The following INPP4B variants were observed in gnomAD, a reference collection of about 807,000 sequenced individuals.
INPP4B encodes the protein inositol polyphosphate-4-phosphatase type II B, also known as inositol polyphosphate 4-phosphatase type II.
Under a neutral mutation model 122.5 loss-of-function variants are expected in INPP4B, and 55 were observed. That is an observed-to-expected ratio of 0.45 (90% CI 0.36 to 0.56). INPP4B has a LOEUF of 0.56. Ranked by LOEUF, INPP4B falls within the 20% of genes least tolerant of loss-of-function variation. The pLI is 0.00. For missense variants in INPP4B, 1,000 were observed against 1,097.7 expected, an observed-to-expected ratio of 0.91 and a Z score of 1.26; for synonymous variants, 403 against 388.7, an observed-to-expected ratio of 1.04 and a Z score of -0.43.
chr4:142,430,715 C>G (rs1410203010), intron 4 of INPP4B, among the ~76,000 whole-genome samples: 1 of 152,022 alleles, frequency 6.6e-6, no homozygotes, highest in Non-Finnish European at 1.5e-5. Flanking sequence ...ATGGCAGTGA[C>G]AGTCTAAATT....
intron 16 of INPP4B, among the ~76,000 whole-genome samples, chr4:142,169,186 C>A (rs950790499): frequency 3.3e-5 from 5 of 151,338 alleles, no homozygotes; most frequent in African/African-American, 1.2e-4. Context: ...TTATTGTATA[C>A]TATCTCTTAT....
At chr4:142,622,717 A>T (rs6839894) in intron 2 of INPP4B, among the ~76,000 whole-genome samples, 98,492 of 151,748 alleles carry the variant, frequency 0.65, 33,276 homozygotes, top group East Asian at 0.81. Flanking sequence ...CATGGTCTCT[A>T]TAGAAAATAG....
chr4:142,674,568 ATACAT>A (rs1757455186), intron 2 of INPP4B, among the ~76,000 whole-genome samples: 1 of 152,184 alleles, frequency 6.6e-6, no homozygotes, highest in Non-Finnish European at 1.5e-5. Flanking sequence ...TCAACAGAAT[ATACAT>A]TCTTCTCAGC....
intron 1 of INPP4B, among the ~76,000 whole-genome samples, chr4:142,733,022 C>T (rs1361748105): frequency 1.3e-5 from 2 of 151,974 alleles, no homozygotes; most frequent in African/African-American, 2.4e-5. Context: ...GTTATAACAA[C>T]AAATTACACA....
intron 2 of INPP4B, among the ~76,000 whole-genome samples, chr4:142,553,839 T>G (rs2150087378): frequency 6.6e-6 from 1 of 152,254 alleles, no homozygotes; most frequent in South Asian, 2.1e-4. Context: ...CCCCTTGATT[T>G]TCTTATGTGT....
At chr4:142,481,564 T>A (rs931510011) in intron 2 of INPP4B, among the ~76,000 whole-genome samples, 6 of 152,164 alleles carry the variant, frequency 3.9e-5, no homozygotes, top group Non-Finnish European at 2.9e-5. Flanking sequence ...TTTTATAATA[T>A]TTTTATAAAT....
intron 7 of INPP4B, among the ~76,000 whole-genome samples, chr4:142,315,214 G>A (rs1767051324): frequency 8.3e-6 from 1 of 120,616 alleles, no homozygotes; most frequent in South Asian, 2.9e-4. Flanking sequence ...ATGTCATTAT[G>A]TACCTCCTAA....
intron 2 of INPP4B, among the ~76,000 whole-genome samples, chr4:142,669,704 T>C (rs1228988303): frequency 1.3e-5 from 2 of 152,166 alleles, no homozygotes; most frequent in Non-Finnish European, 2.9e-5. Context: ...ATTATAAAAC[T>C]ACTTGAAGAA....
chr4:142,322,752 A>T (rs1340497652), intron 7 of INPP4B, among the ~76,000 whole-genome samples: 1 of 152,202 alleles, frequency 6.6e-6, no homozygotes, highest in Non-Finnish European at 1.5e-5. Context: ...ACCCTAAAAC[A>T]GTTGTTATTA....
chr4:142,160,333 G>A (rs755873034), intron 17 of INPP4B, 25 bp downstream of exon 17: 4 of 1,363,902 alleles, frequency 2.9e-6, no homozygotes, highest in South Asian at 2.0e-5. Context: ...AACATTGAGA[G>A]GCAAGCGATA....
intron 2 of INPP4B, among the ~76,000 whole-genome samples, chr4:142,559,063 G>A (rs879099963): frequency 6.6e-6 from 1 of 152,144 alleles, no homozygotes; most frequent in Non-Finnish European, 1.5e-5. Flanking sequence ...TGCTAAAAAT[G>A]TCTGGTGCAC....
intron 23 of INPP4B, among the ~76,000 whole-genome samples, chr4:142,088,523 C>T (rs962783346): frequency 1.3e-5 from 2 of 151,970 alleles, no homozygotes; most frequent in Non-Finnish European, 2.9e-5. Context: ...TGTGTGTGCA[C>T]GTGCACATGC....
intron 15 of INPP4B, among the ~76,000 whole-genome samples, chr4:142,179,592 T>C (rs1366063841): frequency 1.8e-5 from 1 of 55,580 alleles, no homozygotes; most frequent in African/African-American, 6.8e-5. Flanking sequence ...TTGCTGAAAA[T>C]TCCCCCTCTA....
chr4:142,195,416 G>A (rs1837744967), intron 14 of INPP4B, among the ~76,000 whole-genome samples: 1 of 151,876 alleles, frequency 6.6e-6, no homozygotes, highest in East Asian at 1.9e-4. Flanking sequence ...TATTAAGAGG[G>A]TATATCTCAT....
At chr4:142,596,627 G>GA (rs1299863561) in intron 2 of INPP4B, among the ~76,000 whole-genome samples, 1 of 152,212 alleles carries the variant, frequency 6.6e-6, no homozygotes, top group Non-Finnish European at 1.5e-5. Flanking sequence ...TGCAAATGGA[G>GA]AAAAAAGGTA....
chr4:142,644,073 T>C (rs1347316324), intron 2 of INPP4B, among the ~76,000 whole-genome samples: 2 of 151,872 alleles, frequency 1.3e-5, no homozygotes, highest in African/African-American at 2.4e-5. Context: ...TGGTGGCAGG[T>C]GCCTATAGTC....
At chr4:142,394,274 T>C (rs1441257905) in intron 7 of INPP4B, among the ~76,000 whole-genome samples, 3 of 152,132 alleles carry the variant, frequency 2.0e-5, no homozygotes, top group Admixed American at 1.3e-4. Flanking sequence ...GTCTCCCAAG[T>C]AGCTGGGACT....
At chr4:142,639,695 C>A (rs1055047658) in intron 2 of INPP4B, among the ~76,000 whole-genome samples, 1 of 152,022 alleles carries the variant, frequency 6.6e-6, no homozygotes, top group South Asian at 2.1e-4. Context: ...TCTGCCACGA[C>A]CCTAAATCAA....
chr4:142,685,009 T>A (rs890542592), intron 2 of INPP4B, among the ~76,000 whole-genome samples: 1 of 152,086 alleles, frequency 6.6e-6, no homozygotes, highest in East Asian at 1.9e-4. Context: ...TAAAATTTAA[T>A]TTATTTTAAA....
Sources: gnomAD v4.1 joint callset for allele counts (sites outside exome capture counted in the v4.1 genomes callset) on GRCh38, gnomAD v4.1.1 for gene constraint, MANE v1.5 for transcripts, NCBI Gene and HGNC (gene_info 2026-07-23, HGNC 2026-07-21) for gene names.